The following TMPO variants were observed in gnomAD, a reference collection of about 807,000 sequenced individuals.
TMPO encodes LEM domain containing 4.
A neutral mutation model predicts 45.4 loss-of-function variants in TMPO; 22 were observed. The ratio of observed to expected loss-of-function variants is 0.48; its 90% CI spans 0.35 to 0.69. The LOEUF (loss-of-function observed/expected upper bound fraction) is 0.69, where lower values mean the gene tolerates loss of function less well. TMPO is among the 30% of genes least tolerant of loss of function. The probability of loss-of-function intolerance (pLI) is 0.01; values close to 1 mark genes in which losing one functional copy is unlikely to be tolerated. For synonymous variants in TMPO, 241 were observed against 204.1 expected (o/e 1.18, Z -1.54); for missense variants, 512 against 548.8 (o/e 0.93, Z 0.67).
intron 6 of TMPO, chr12:98,544,750 T>A: frequency 1.5e-6 from 1 of 648,516 alleles, no homozygotes; most frequent in Non-Finnish European, 2.7e-6. Flanking sequence ...TACAAGAAAG[T>A]ATAAGGATAT....
chr12:98,534,543 G>A, intron 3 of TMPO: 1 of 1,375,852 alleles, frequency 7.3e-7, no homozygotes, highest in South Asian at 1.6e-5. Context: ...TAGGAAGCCT[G>A]GTACAAACAA....
At position 98,533,113 on chromosome 12, in the gene TMPO, A is replaced by G. The variant is rs763320036; in HGVS notation, c.565+1275A>G. The G allele has an allele frequency of 5.0e-6, 8 of 1,614,064 alleles. No individual in the cohort carries two copies. In the Admixed American group the frequency reaches 1.2e-4, roughly 24 times the overall value. On this transcript the variant is annotated intron_variant, in intron 3 of 8. Coordinates refer to ENST00000556029, the MANE Select transcript of TMPO (RefSeq NM_001032283.3). ...TATTTCATGCAAGTCTAGCCATGATAGGTGTTTAGAGAAAAGTTCTTCGTC... is the reference window on the plus strand; with the variant it reads ...TATTTCATGCAAGTCTAGCCATGATGGGTGTTTAGAGAAAAGTTCTTCGTC...
At chr12:98,534,448 A>G (rs1192576596) in intron 3 of TMPO, 1 of 1,571,506 alleles carries the variant, frequency 6.4e-7, no homozygotes, top group African/African-American at 1.3e-5. Flanking sequence ...CTAATTACAA[A>G]ATGTTAAGCT....
intron 1 of TMPO, chr12:98,516,387 C>G (rs891308210): frequency 1.2e-5 from 14 of 1,196,136 alleles, no homozygotes; most frequent in African/African-American, 4.8e-5. Flanking sequence ...TGTGGAGTTG[C>G]GTTGGCGGCG....
Position 98,549,867 on chromosome 12 carries a change from G to C in TMPO, c.*2009G>C, listed in dbSNP as rs908335488. 2 of 152,154 alleles carry C rather than the reference G, an allele frequency of 1.3e-5. No individual in the cohort carries two copies. The highest frequency in any genetic ancestry group is 1.3e-4 in the Admixed American group (2 of 15,280). The allele number at this position is 152,154 out of a possible 1,614,324, so 9.4% of individuals were successfully genotyped here. A position where few individuals can be genotyped will look rare whatever the true frequency, so the allele number is the denominator to read the frequency against. On this transcript the variant is annotated 3_prime_UTR_variant, in exon 9 of 9. Transcript: ENST00000556029. ...CTTTCTGCAGAATGAGTGGGTCCTT[G>C]CAAAGTGAGTGGGAAACTTACTCCT...
In TMPO at chr12:98,534,285, A is replaced by T. The variant is rs1213720520; in HGVS notation, c.565+2447A>T. 6.2e-7 allele frequency: 1 copy of T among 1,613,494 alleles called. No individual in the cohort carries two copies. Among genetic ancestry groups the T allele is most frequent in the Non-Finnish European group, 8.5e-7 (1 of 1,179,888 alleles). On this transcript the variant is annotated intron_variant, in intron 3 of 8. Coordinates refer to ENST00000556029, the MANE Select transcript of TMPO (RefSeq NM_001032283.3). ...TGGCTTCCACTCCCTTTAAAGGTGGAACATTATTTGGAGGAGAAGTATGCA... is the reference window on the plus strand; with the variant it reads ...TGGCTTCCACTCCCTTTAAAGGTGGTACATTATTTGGAGGAGAAGTATGCA...
At chr12:98,534,103 G>A in intron 3 of TMPO, 1 of 1,612,996 alleles carries the variant, frequency 6.2e-7, no homozygotes, top group Non-Finnish European at 8.5e-7. Flanking sequence ...CCAAGCGCTT[G>A]GGATTCTGAG....
intron 1 of TMPO, among the ~76,000 whole-genome samples, chr12:98,519,464 G>A (rs1203692640): frequency 6.6e-6 from 1 of 152,162 alleles, no homozygotes; most frequent in East Asian, 1.9e-4. Context: ...TTTCCAAAGT[G>A]CTGGGAATGC....
intron 4 of TMPO, among the ~76,000 whole-genome samples, chr12:98,538,098 T>C (rs1288869508): frequency 6.6e-6 from 1 of 152,152 alleles, no homozygotes; most frequent in Admixed American, 6.6e-5. Context: ...AAGGGAAATG[T>C]AGGAAACTAA....
At position 98,544,973 on chromosome 12, in the gene TMPO, A is replaced by G. The variant is rs775901719; in HGVS notation, c.902A>G (p.Asn301Ser). 1.2e-6 allele frequency: 2 copies of G among 1,613,218 alleles called. No homozygotes were observed. Among genetic ancestry groups the G allele is most frequent in the South Asian group, 2.2e-5 (2 of 91,050 alleles). Residue 301 changes from asparagine (N) to serine (S), a missense_variant, in exon 7 of 9, where the codon AAT becomes AGT. By Grantham distance (46) the Asn-to-Ser change is conservative. Around this residue, in one of 3 missense-constraint regions of TMPO, gnomAD observed 209 missense variants for 235.1 expected, o/e 0.89. Transcript: ENST00000556029. ...CAGGTTGTCAATAGGGTGACTGGAAATTTCAAGCATGCATCTCCTATTCTG... is the reference window on the plus strand; with the variant it reads ...CAGGTTGTCAATAGGGTGACTGGAAGTTTCAAGCATGCATCTCCTATTCTG... ...ESLVVNRVTG[N>S]FKHASPILPI...
chr12:98,519,806 T>A (rs570911977), intron 1 of TMPO, among the ~76,000 whole-genome samples: 1 of 152,218 alleles, frequency 6.6e-6, no homozygotes, highest in East Asian at 1.9e-4. Context: ...AAAAAATAAT[T>A]TTAAGTTTAC....
At chr12:98,521,411 C>G (rs1286583655) in intron 1 of TMPO, among the ~76,000 whole-genome samples, 1 of 151,776 alleles carries the variant, frequency 6.6e-6, no homozygotes, top group African/African-American at 2.4e-5. Flanking sequence ...CGTGCCCAGC[C>G]TATGGGGAAC....
chr12:98,542,731 G>C (rs751181881), intron 4 of TMPO, among the ~76,000 whole-genome samples: 11 of 152,102 alleles, frequency 7.2e-5, no homozygotes, highest in Non-Finnish European at 1.6e-4. Context: ...GCTGGTGCGT[G>C]CCTGTAATCC....
At chr12:98,517,754 G>A (rs1398575304) in intron 1 of TMPO, among the ~76,000 whole-genome samples, 3 of 152,168 alleles carry the variant, frequency 2.0e-5, no homozygotes, top group Admixed American at 2.0e-4. Context: ...CTTGTTTTGC[G>A]GAAAGCTTCT....
chr12:98,547,457 C>A, intron 8 of TMPO, 116 bp from the exon 9 acceptor site: 1 of 1,234,284 alleles, frequency 8.1e-7, no homozygotes, highest in Non-Finnish European at 1.2e-6. Flanking sequence ...CAATTTTCTA[C>A]TGTTACCTCA....
chr12:98,519,944 T>TTTTC (rs1383110845), intron 1 of TMPO, among the ~76,000 whole-genome samples: 1 of 152,052 alleles, frequency 6.6e-6, no homozygotes, highest in Non-Finnish European at 1.5e-5. Flanking sequence ...ATTTCTTTTT[T>TTTTC]TTTCTTTCTT....
At position 98,547,663 on chromosome 12, in the gene TMPO, T is replaced by C. The variant is rs746454315; in HGVS notation, c.1170T>C (p.Tyr390=). ...TGGAGGAGTCTTTTTCATCTAAATA[T>C]GTTCCTAAGTATGTTCCCTTGGCAG... ...FRMEESFSSK[Y]VPKYVPLADV... The change falls in exon 9 of 9, where the codon TAT becomes TAC. Residue 390 remains tyrosine, a synonymous_variant. Transcript: ENST00000556029. The C allele has an allele frequency of 6.2e-6, 10 of 1,614,232 alleles. No individual in the cohort carries two copies. Among genetic ancestry groups the C allele is most frequent in the Non-Finnish European group, 8.5e-6 (10 of 1,180,040 alleles).
chr12:98,528,230 T>C (rs1331329371), intron 2 of TMPO, among the ~76,000 whole-genome samples: 2 of 152,014 alleles, frequency 1.3e-5, no homozygotes, highest in Non-Finnish European at 2.9e-5. Context: ...TGAGATTGTT[T>C]TATATGGTGC....
chr12:98,546,895 C>G (rs1376148421), intron 8 of TMPO, among the ~76,000 whole-genome samples: 2 of 152,104 alleles, frequency 1.3e-5, no homozygotes, highest in Non-Finnish European at 2.9e-5. Flanking sequence ...CTAAGTTTCT[C>G]TTTTCTAATT....
Sources: gnomAD v4.1 joint callset for allele counts (sites outside exome capture counted in the v4.1 genomes callset) on GRCh38, gnomAD v4.1.1 for gene constraint, gnomAD v4.1.1 regional missense constraint, MANE v1.5 for transcripts, NCBI Gene and HGNC (gene_info 2026-07-23, HGNC 2026-07-21) for gene names.